The following SLC60A2 variants were observed in gnomAD, a reference collection of about 807,000 sequenced individuals.
SLC60A2 encodes the protein solute carrier family 60 member 2, also known as major facilitator superfamily domain containing 4B.
chr6:111,273,908 A>C, the SLC60A2 span, among the ~76,000 whole-genome samples: 1 of 152,002 alleles, frequency 6.6e-6, no homozygotes, highest in Non-Finnish European at 1.5e-5. Flanking sequence ...TCTTTAATAG[A>C]GGTGGGGCCT....
the SLC60A2 span, chr6:111,266,645 T>G: frequency 6.2e-7 from 1 of 1,614,222 alleles, no homozygotes; most frequent in Non-Finnish European, 8.5e-7. Context: ...TTGTAATTGG[T>G]GCTTCCCTGG....
the SLC60A2 span, among the ~76,000 whole-genome samples, chr6:111,260,803 G>C: frequency 2.6e-5 from 4 of 152,116 alleles, no homozygotes; most frequent in African/African-American, 9.7e-5. Flanking sequence ...TGACTTGTCC[G>C]GTCCTGTTGT....
At chr6:111,274,364 C>G in the SLC60A2 span, among the ~76,000 whole-genome samples, 2 of 152,138 alleles carry the variant, frequency 1.3e-5, no homozygotes, top group African/African-American at 4.8e-5. Flanking sequence ...TTTTCCATAC[C>G]TACACTTTCA....
chr6:111,262,469 A>G, the SLC60A2 span: 1 of 1,543,892 alleles, frequency 6.5e-7, no homozygotes. Flanking sequence ...TGTCAAGTGA[A>G]TTTACAAGTT....
At chr6:111,262,239 T>G in the SLC60A2 span, 1 of 1,601,412 alleles carries the variant, frequency 6.2e-7, no homozygotes, top group Non-Finnish European at 8.5e-7. Flanking sequence ...TAAAAACTTT[T>G]GTCTTTTTAA....
the SLC60A2 span, chr6:111,266,385 T>C: frequency 6.2e-7 from 1 of 1,614,212 alleles, no homozygotes; most frequent in Non-Finnish European, 8.5e-7. Context: ...CTCCATCTTC[T>C]GGGGGACATT....
chr6:111,262,351 G>C, the SLC60A2 span: 21 of 1,613,978 alleles, frequency 1.3e-5, no homozygotes, highest in Admixed American at 1.5e-4. Context: ...TTTGTGGGTC[G>C]TGCCTTGGGA....
At chr6:111,274,094 A>G in the SLC60A2 span, among the ~76,000 whole-genome samples, 9 of 152,224 alleles carry the variant, frequency 5.9e-5, no homozygotes, top group Admixed American at 5.2e-4. Context: ...GGGCTCAAGC[A>G]TTCCTCCCAC....
chr6:111,276,912 T>G, the SLC60A2 span, among the ~76,000 whole-genome samples: 1 of 152,070 alleles, frequency 6.6e-6, no homozygotes, highest in East Asian at 1.9e-4. Flanking sequence ...CCATTGCCCT[T>G]ATTGGGCCTT....
At chr6:111,275,461 G>A in the SLC60A2 span, among the ~76,000 whole-genome samples, 8 of 150,998 alleles carry the variant, frequency 5.3e-5, no homozygotes, top group East Asian at 1.6e-3. Context: ...CCAGGCTGGA[G>A]TGCAATGGCA....
the SLC60A2 span, chr6:111,271,294 A>G: frequency 5.9e-5 from 9 of 151,724 alleles, no homozygotes; most frequent in East Asian, 1.7e-3. Context: ...TTTTTCAATT[A>G]CTCTGTTATT....
chr6:111,268,090 A>C, the SLC60A2 span: 62,787 of 152,110 alleles, frequency 0.41, 15,532 homozygotes, highest in Non-Finnish European at 0.55. Context: ...AAGTTTGTGC[A>C]AAATGTCTGC....
At chr6:111,262,293 G>A in the SLC60A2 span, 2 of 1,614,062 alleles carry the variant, frequency 1.2e-6, no homozygotes, top group Non-Finnish European at 1.7e-6. Context: ...CACGTTTCAA[G>A]ATTTGGCAAC....
the SLC60A2 span, among the ~76,000 whole-genome samples, chr6:111,272,777 T>C: frequency 1.3e-5 from 2 of 151,590 alleles, no homozygotes. Context: ...CTCTCAAAGT[T>C]CTGGGATTAC....
the SLC60A2 span, chr6:111,278,448 T>C: frequency 6.6e-6 from 1 of 152,188 alleles, no homozygotes; most frequent in Non-Finnish European, 1.5e-5. Flanking sequence ...GTGATTGATA[T>C]AGTTTGGCTG....
chr6:111,266,674 C>T, the SLC60A2 span: 1 of 1,614,144 alleles, frequency 6.2e-7, no homozygotes, highest in Non-Finnish European at 8.5e-7. Flanking sequence ...GCTATTCCTG[C>T]AGTCATTGGA....
At chr6:111,268,239 A>T in the SLC60A2 span, 2 of 152,362 alleles carry the variant, frequency 1.3e-5, no homozygotes, top group South Asian at 4.1e-4. Flanking sequence ...ACCTTATTTG[A>T]ATAATTACCT....
the SLC60A2 span, among the ~76,000 whole-genome samples, chr6:111,276,281 T>C: frequency 3.3e-5 from 5 of 152,252 alleles, no homozygotes; most frequent in African/African-American, 7.2e-5. Flanking sequence ...TTTTGAGATA[T>C]ATACCCATAA....
the SLC60A2 span, among the ~76,000 whole-genome samples, chr6:111,274,360 A>G: frequency 6.6e-6 from 1 of 152,130 alleles, no homozygotes; most frequent in African/African-American, 2.4e-5. Flanking sequence ...ATCTTTTTCC[A>G]TACCTACACT....
Sources: allele counts gnomAD v4.1 joint callset (sites outside exome capture counted in the v4.1 genomes callset), GRCh38; gene constraint gnomAD v4.1.1; transcripts MANE v1.5; gene names NCBI Gene and HGNC (gene_info 2026-07-23, HGNC 2026-07-21).